MOB3A: variants seen among roughly 807,000 people sequenced by gnomAD.
The protein encoded by MOB3A is MOB LAK.
In MOB3A, 17 loss-of-function variants were observed where a neutral mutation model predicts 17.8. The ratio of observed to expected loss-of-function variants is 0.95; its 90% confidence interval spans 0.65 to 1.43. MOB3A has a LOEUF of 1.43. MOB3A is among the 40% of genes most tolerant of loss of function. The pLI is 0.00. For missense variants in MOB3A, 333 were observed against 310.8 expected (o/e 1.07, Z -0.54); for synonymous variants, 124 against 133.2 (o/e 0.93, Z 0.48).
Position 2,078,288 on chromosome 19 carries a change from C to T in MOB3A, c.273G>A (p.Met91Ile), listed in dbSNP as rs1161234432. Residue 91 changes from methionine (M) to isoleucine (I), a missense_variant, in exon 3 of 5, where the codon ATG becomes ATA. By Grantham distance (10) the Met-to-Ile change is conservative (BLOSUM62 1). Coordinates refer to ENST00000357066, the MANE Select transcript of MOB3A (RefSeq NM_130807.3). ...DGCTEQSCPV[M>I]SGGPKYEYRW... The stretch of plus-strand genomic sequence containing the variant: ...GGTACTCATACTTGGGGCCCCCCGA[C>T]ATGACGGGGCAGGACTGCTCCGTGC... The T allele has an allele frequency of 1.2e-6, 2 of 1,614,192 alleles. No homozygotes were observed. Among genetic ancestry groups the T allele is most frequent in the East Asian group, 2.2e-5 (1 of 44,876 alleles).
At chr19:2,078,035 CG>C in intron 3 of MOB3A, 104 bp downstream of exon 3, 1 of 1,194,776 alleles carries the variant, frequency 8.4e-7, no homozygotes, top group Non-Finnish European at 1.1e-6. Flanking sequence ...TCCCTGGGCT[CG>C]GCCTCCCAAA....
At chr19:2,084,304 C>A (rs1599408395) in intron 2 of MOB3A, 5 of 372,252 alleles carry the variant, frequency 1.3e-5, no homozygotes, top group South Asian at 9.2e-5. Context: ...ACCAGCCTGG[C>A]CAACATGGTG....
intron 4 of MOB3A, among the ~76,000 whole-genome samples, chr19:2,074,553 T>C (rs533055689): frequency 1.2e-4 from 19 of 152,052 alleles, no homozygotes; most frequent in African/African-American, 4.6e-4. Flanking sequence ...AAGATGTTTT[T>C]AGTCTTTTTT....
chr19:2,078,382 C>A lies in MOB3A; in HGVS notation c.179G>T (p.Trp60Leu). The change falls in exon 3 of 5, where the codon TGG becomes TTG. Residue 60 changes from tryptophan to leucine, a missense_variant. Transcript: ENST00000357066. The part of the protein sequence containing the change: ...QLPPGEDLND[W>L]VAVHVVDFFN... Reference sequence around the variant, plus strand: ...GAAGTCCACCACGTGAACAGCCACCCAGTCGTTCAGGTCCTCGCCCGGGGG... The same window carrying A: ...GAAGTCCACCACGTGAACAGCCACCAAGTCGTTCAGGTCCTCGCCCGGGGG... The A allele has an allele frequency of 6.2e-7, 1 of 1,614,194 alleles. No homozygotes were observed.
chr19:2,083,041 C>G (rs2017509050), intron 2 of MOB3A, among the ~76,000 whole-genome samples: 1 of 152,152 alleles, frequency 6.6e-6, no homozygotes, highest in South Asian at 2.1e-4. Context: ...GAGACGGGAG[C>G]TCACTATGTT....
At position 2,074,558 on chromosome 19, in the gene MOB3A, T is replaced by C. The variant is rs147895415; in HGVS notation, c.625-1134A>G. On this transcript the variant is annotated intron_variant, in intron 4 of 4. Transcript: ENST00000357066. ...AAGTTATGTGAAGATGTTTTTAGTC[T>C]TTTTTTTTTTTTGAGACGGAGTTTC... Among the ~76,000 whole-genome samples the C allele has an allele frequency of 7.5e-3, 1,075 of 143,966 alleles. 15 individuals are homozygous for C. The highest frequency in any genetic ancestry group is 0.025 in the African/African-American group (1,008 of 39,628). The allele number at this position is 143,966 out of a possible 152,430, so 94.4% of individuals were successfully genotyped here.
intron 1 of MOB3A, among the ~76,000 whole-genome samples, chr19:2,089,642 G>A (rs1180013663): frequency 1.3e-5 from 2 of 152,096 alleles, no homozygotes; most frequent in African/African-American, 4.8e-5. Context: ...GGTCCCAGGA[G>A]GCTACACACA....
chr19:2,086,230 G>C (rs1310156547), intron 1 of MOB3A, among the ~76,000 whole-genome samples: 1 of 151,922 alleles, frequency 6.6e-6, no homozygotes, highest in Non-Finnish European at 1.5e-5. Context: ...AGTAGAGGTG[G>C]GGTTTCGCCA....
rs1441378749 is a variant in MOB3A, at chr19:2,071,637, C to T, written c.*1758G>A. 1 of 152,222 alleles carries T rather than the reference C, an allele frequency of 6.6e-6. No individual in the cohort carries two copies. The highest frequency in any genetic ancestry group is 1.5e-5 in the Non-Finnish European group (1 of 68,118). The allele number at this position is 152,222 out of a possible 1,614,324, so 9.4% of individuals were successfully genotyped here. A position where few individuals can be genotyped will look rare whatever the true frequency, so the allele number is the denominator to read the frequency against. On this transcript the variant is annotated 3_prime_UTR_variant, in exon 5 of 5. Transcript: ENST00000357066. Reference sequence around the variant, plus strand: ...AGGAGGTGGCTGCCTTTTCTCAGGGCCCTGCTCTCACCTTCCAAAGGTCTA... The same window carrying T: ...AGGAGGTGGCTGCCTTTTCTCAGGGTCCTGCTCTCACCTTCCAAAGGTCTA...
chr19:2,078,179 C>T lies in MOB3A; in HGVS notation c.382G>A (p.Ala128Thr). ...AAGAGGTCCTCGTTGTTGATCTGCG[C>T]CTCGATCCAGTCCATCAGCAGGTCC... ...YMDLLMDWIE[A>T]QINNEDLFPT... The change falls in exon 3 of 5, where the codon GCG becomes ACG. Residue 128 changes from alanine to threonine, a missense_variant. Transcript: ENST00000357066. 6.3e-7 allele frequency: 1 copy of T among 1,598,224 alleles called. No individual in the cohort carries two copies. Among genetic ancestry groups the T allele is most frequent in the African/African-American group, 1.3e-5 (1 of 74,742 alleles).
chr19:2,090,958 G>A (rs1416784616), intron 1 of MOB3A, among the ~76,000 whole-genome samples: 2 of 152,102 alleles, frequency 1.3e-5, no homozygotes, highest in South Asian at 2.1e-4. Context: ...CACCGCGCCC[G>A]GCCAAAATAC....
rs974781573 is a variant in MOB3A, at chr19:2,093,941, C to T, written c.-274+2285G>A. On this transcript the variant is annotated intron_variant, in intron 1 of 4. Transcript: ENST00000357066. The surrounding 1 kb of genome is among the most constrained non-coding windows in gnomAD (Gnocchi z 4.6). ...CTAATAAACAGGTCCCTGACAACTG[C>T]GGTTAAGAACCCGGCTTCTGGAAGT... Among the ~76,000 whole-genome samples, 8 of 151,516 alleles carry T rather than the reference C, an allele frequency of 5.3e-5. No homozygotes were observed. The highest frequency in any genetic ancestry group is 9.7e-5 in the African/African-American group (4 of 41,156).
intron 2 of MOB3A, among the ~76,000 whole-genome samples, chr19:2,081,321 C>A (rs889626719): frequency 1.3e-5 from 2 of 152,216 alleles, no homozygotes; most frequent in East Asian, 1.9e-4. Context: ...GGCGTGGTGG[C>A]TCACGCCTGT....
At chr19:2,084,854 G>T (rs769098950) in intron 2 of MOB3A, among the ~76,000 whole-genome samples, 54 of 152,128 alleles carry the variant, frequency 3.5e-4, no homozygotes, top group Admixed American at 1.3e-3. Flanking sequence ...CTCCCAAAGT[G>T]CTGGGATTAC....
rs749416931 is a variant in MOB3A at position 2,078,496 on chromosome 19, A to G, written c.65T>C (p.Phe22Ser). The change falls in exon 3 of 5, where the codon TTT (phenylalanine) becomes TCT (serine). Residue 22 changes from phenylalanine to serine, a missense_variant. Physicochemically the swap from Phe to Ser is radical, Grantham distance 155. Coordinates refer to ENST00000357066, the MANE Select transcript of MOB3A (RefSeq NM_130807.3). ...KDKTFRPKRK[F>S]EPGTQRFELH... ...CTCGAAGCGCTGGGTGCCTGGCTCA[A>G]ACTTGCGCTTGGGGCGGAATGTCTT... is the stretch of plus-strand genomic sequence containing the variant. The G allele has an allele frequency of 6.2e-7, 1 of 1,607,058 alleles. No homozygotes were observed. The highest frequency in any genetic ancestry group is 1.1e-5 in the South Asian group (1 of 90,756).
At chr19:2,077,159 G>C in intron 3 of MOB3A, 146 bp from the exon 4 acceptor site, 1 of 670,934 alleles carries the variant, frequency 1.5e-6, no homozygotes, top group Non-Finnish European at 2.6e-6. Context: ...CCAGCACTTT[G>C]GGAGGCCGAG....
At chr19:2,092,123 T>G (rs1300538896) in intron 1 of MOB3A, among the ~76,000 whole-genome samples, 4 of 141,292 alleles carry the variant, frequency 2.8e-5, no homozygotes, top group Non-Finnish European at 6.1e-5. Context: ...TTGTTTGAGA[T>G]GAGGTTTCGC....
At chr19:2,087,168 C>T (rs781738800) in intron 1 of MOB3A, among the ~76,000 whole-genome samples, 2 of 152,218 alleles carry the variant, frequency 1.3e-5, no homozygotes, top group East Asian at 1.9e-4. Flanking sequence ...CAGGTGCTAT[C>T]GAGGGCTTAG....
intron 1 of MOB3A, among the ~76,000 whole-genome samples, chr19:2,091,700 T>A (rs997428438): frequency 6.6e-6 from 1 of 150,500 alleles, no homozygotes; most frequent in Non-Finnish European, 1.5e-5. Flanking sequence ...ACCTTTTTTG[T>A]TAAAGAAGGA....
Sources: allele counts gnomAD v4.1 joint callset (sites outside exome capture counted in the v4.1 genomes callset), GRCh38; gene constraint gnomAD v4.1.1; non-coding constraint Gnocchi (gnomAD v3.1); transcripts MANE v1.5; gene names NCBI Gene and HGNC (gene_info 2026-07-23, HGNC 2026-07-21).